The following PPIL2 variants were observed in gnomAD, a reference collection of about 807,000 sequenced individuals.
PPIL2 encodes peptidylprolyl isomerase like 2.
A neutral mutation model predicts 75.2 loss-of-function variants in PPIL2; 50 were observed. The observed-to-expected ratio is 0.66, with a 90% CI of 0.53 to 0.84. The LOEUF is 0.84. Ranked by LOEUF, PPIL2 falls within the 40% of genes least tolerant of loss-of-function variation. The pLI is 0.00. For missense variants in PPIL2, 590 were observed against 685.0 expected, an observed-to-expected ratio of 0.86 and a Z score of 1.55; for synonymous variants, 245 against 258.8, an observed-to-expected ratio of 0.95 and a Z score of 0.51.
At position 21,682,955 on chromosome 22, in the gene PPIL2, C is replaced by T. The variant is rs578190239; in HGVS notation, c.478-227C>T. 1.2e-4 allele frequency among the ~76,000 whole-genome samples: 18 copies of T among 152,310 alleles called. 1 individual carries two copies. The East Asian group carries it at 3.3e-3, about 28-fold the overall frequency. Reference sequence around the variant, plus strand: ...CCATGTGCCTGGAGGAAGGTCACAGCTCAGCCAGCAGCTAGCGAGGCTGCG... The same window carrying T: ...CCATGTGCCTGGAGGAAGGTCACAGTTCAGCCAGCAGCTAGCGAGGCTGCG... On this transcript the variant is annotated intron_variant, in intron 8 of 19. Coordinates refer to ENST00000398831, the MANE Select transcript of PPIL2 (RefSeq NM_014337.4).
intron 12 of PPIL2, among the ~76,000 whole-genome samples, chr22:21,687,394 A>C (rs1225274396): frequency 2.0e-5 from 3 of 151,986 alleles, no homozygotes; most frequent in Non-Finnish European, 4.4e-5. Context: ...CTCTACTAAA[A>C]CTACAAAAAT....
intron 2 of PPIL2, 164 bp downstream of exon 2, chr22:21,670,126 A>G (rs1161066434): frequency 1.1e-6 from 1 of 879,478 alleles, no homozygotes; most frequent in East Asian, 2.7e-5. Flanking sequence ...TCAAGATAGA[A>G]GAACCTGCTT....
chr22:21,670,883 C>T, intron 3 of PPIL2, 114 bp from the exon 4 acceptor site: 1 of 1,094,560 alleles, frequency 9.1e-7, no homozygotes, highest in Non-Finnish European at 1.4e-6. Context: ...GGCCAGGCTG[C>T]CCAGAGAGGG....
At chr22:21,670,068 A>C (rs2066572369) in intron 2 of PPIL2, 106 bp downstream of exon 2, 2 of 1,203,294 alleles carry the variant, frequency 1.7e-6, no homozygotes, top group Non-Finnish European at 2.4e-6. Flanking sequence ...CACGGAAACT[A>C]TGGTAGACGA....
intron 15 of PPIL2, among the ~76,000 whole-genome samples, chr22:21,689,888 A>G (rs146078269): frequency 0.023 from 3,435 of 152,202 alleles, 124 homozygotes; most frequent in African/African-American, 0.079. Context: ...TGGCCACTAC[A>G]AGGCCAGAGT....
chr22:21,678,873 T>C (rs1386790083), intron 6 of PPIL2, among the ~76,000 whole-genome samples: 1 of 150,226 alleles, frequency 6.7e-6, no homozygotes, highest in African/African-American at 2.5e-5. Flanking sequence ...ACCACAGGCA[T>C]GTACTACCAT....
chr22:21,670,843 TGGA>T (rs2066604502), intron 3 of PPIL2, 151 bp from the exon 4 acceptor site: 2 of 891,124 alleles, frequency 2.2e-6, no homozygotes, highest in East Asian at 2.4e-5. Context: ...CTATTGTAGT[TGGA>T]GGAGAAGGTT....
downstream of PPIL2, chr22:21,698,961 A>AGAT (rs1194810240): frequency 1.3e-5 from 2 of 152,446 alleles, no homozygotes; most frequent in African/African-American, 4.8e-5. Flanking sequence ...CCTAAGTGGA[A>AGAT]GATGTGCTTT....
chr22:21,677,134 G>A (rs1291438094), intron 6 of PPIL2, among the ~76,000 whole-genome samples: 3 of 151,860 alleles, frequency 2.0e-5, no homozygotes, highest in African/African-American at 4.8e-5. Flanking sequence ...CTTCTCAGAC[G>A]GGGCGGCTGC....
Position 21,686,948 on chromosome 22 carries a change from C to T in PPIL2, c.847C>T (p.Arg283Trp). The T allele has an allele frequency of 6.2e-7, 1 of 1,614,024 alleles. No homozygotes were observed. The highest frequency in any genetic ancestry group is 8.5e-7 in the Non-Finnish European group (1 of 1,180,006). ...GTTTGTGAAGAAGAAGGGCTACGTG[C>T]GGCTGCACACCAACAAGGGCGACCT... ...YQFVKKKGYV[R>W]LHTNKGDLNL... The change falls in exon 12 of 20, where the codon CGG becomes TGG. Residue 283 changes from arginine (R) to tryptophan (W), a missense_variant. Arg to Trp is a moderately radical substitution (Grantham distance 101). Transcript: ENST00000398831.
In PPIL2 at chr22:21,675,077, G is replaced by C. The variant is rs762947950; in HGVS notation, c.257G>C (p.Arg86Thr). 1 of 1,612,488 alleles carries C rather than the reference G, an allele frequency of 6.2e-7. No homozygotes were observed. Among genetic ancestry groups the C allele is most frequent in the South Asian group, 1.1e-5 (1 of 91,046 alleles). Reference sequence around the variant, plus strand: ...TGCTTCTTCCAGAAGCTGGACGGGAGGTCCCTGATCAAGCTGAACTTTTCC... The same window carrying C: ...TGCTTCTTCCAGAAGCTGGACGGGACGTCCCTGATCAAGCTGAACTTTTCC... Reference protein sequence around the residue: ...NPSNGEKLDGRSLIKLNFSKN... With the variant: ...NPSNGEKLDGTSLIKLNFSKN... The change falls in exon 6 of 20, where the codon AGG (arginine) becomes ACG (threonine). Residue 86 changes from arginine to threonine, a missense_variant. By Grantham distance (71) the Arg-to-Thr change is moderately conservative (BLOSUM62 -1). Coordinates refer to ENST00000398831, the MANE Select transcript of PPIL2 (RefSeq NM_014337.4).
chr22:21,677,711 G>A (rs928422973), intron 6 of PPIL2, among the ~76,000 whole-genome samples: 9 of 152,158 alleles, frequency 5.9e-5, no homozygotes, highest in African/African-American at 1.9e-4. Context: ...GAGAGGGAGA[G>A]GGAGGGACAG....
rs747676624 is a variant in PPIL2 at position 21,694,824 on chromosome 22, G to A, written c.1332+7G>A. 1 of 1,595,494 alleles carries A rather than the reference G, an allele frequency of 6.3e-7. No homozygotes were observed. Among genetic ancestry groups the A allele is most frequent in the Non-Finnish European group, 8.6e-7 (1 of 1,168,596 alleles). ...TGAGGAGGCCGATGCCCAGGTGAGG[G>A]GGCACGATGCCACCACCTAGGAGGG... On this transcript the variant is annotated splice_region_variant and intron_variant, in intron 18 of 19. Transcript: ENST00000398831.
intron 15 of PPIL2, among the ~76,000 whole-genome samples, chr22:21,689,807 TAG>T (rs2067543339): frequency 6.6e-6 from 1 of 152,218 alleles, no homozygotes; most frequent in South Asian, 2.1e-4. Context: ...GCTGACTTTT[TAG>T]AGGTTTCTTT....
chr22:21,674,808 T>C (rs555882116), intron 5 of PPIL2, among the ~76,000 whole-genome samples: 10 of 152,366 alleles, frequency 6.6e-5, no homozygotes, highest in African/African-American at 2.4e-4. Flanking sequence ...CACCACCCTG[T>C]GGCCTGGTCC....
chr22:21,676,152 G>C (rs2066832185), intron 6 of PPIL2, among the ~76,000 whole-genome samples: 1 of 152,070 alleles, frequency 6.6e-6, no homozygotes, highest in Non-Finnish European at 1.5e-5. Flanking sequence ...TGAATGAATG[G>C]GTGAACCTCA....
chr22:21,670,958 G>C, intron 3 of PPIL2, 39 bp from the exon 4 acceptor site: 2 of 1,560,498 alleles, frequency 1.3e-6, no homozygotes, highest in African/African-American at 2.7e-5. Flanking sequence ...CCTGACCAGG[G>C]TGCGTGGCAA....
Position 21,682,474 on chromosome 22 carries a change from G to A in PPIL2, c.425G>A (p.Arg142Gln), listed in dbSNP as rs141435071. ...CTAAATATCAAGGCCAAGAACTTCC[G>A]GGACCTGCTGACCGACGAGCCCTTC... ...EQLNIKAKNF[R>Q]DLLTDEPFSR... The change falls in exon 8 of 20, where the codon CGG (arginine) becomes CAG (glutamine). Residue 142 changes from arginine to glutamine, a missense_variant. Physicochemically the swap from Arg to Gln is conservative, Grantham distance 43. Coordinates refer to ENST00000398831, the MANE Select transcript of PPIL2 (RefSeq NM_014337.4). 9.1e-4 allele frequency: 1,472 copies of A among 1,613,792 alleles called. 2 individuals carry two copies. The highest frequency in any genetic ancestry group is 1.2e-3 in the Non-Finnish European group (1,385 of 1,179,914).
chr22:21,677,848 T>C (rs1242020666), intron 6 of PPIL2, among the ~76,000 whole-genome samples: 1 of 152,166 alleles, frequency 6.6e-6, no homozygotes, highest in Non-Finnish European at 1.5e-5. Context: ...TGCCAGAGGC[T>C]GCTTGTGTGT....
Sources: gnomAD v4.1 joint callset for allele counts (sites outside exome capture counted in the v4.1 genomes callset) on GRCh38, gnomAD v4.1.1 for gene constraint, MANE v1.5 for transcripts, NCBI Gene and HGNC (gene_info 2026-07-23, HGNC 2026-07-21) for gene names.